GAD1: variants seen among roughly 807,000 people sequenced by gnomAD.
GAD1 encodes the protein 67 kDa glutamic acid decarboxylase.
A neutral mutation model predicts 75.2 loss-of-function variants in GAD1; 35 were observed. The observed-to-expected ratio is 0.47, with a 90% CI of 0.36 to 0.62. The LOEUF is 0.62. GAD1 is among the 20% of genes least tolerant of loss of function. GAD1 has a pLI of 0.00. For missense variants in GAD1, 490 were observed against 758.5 expected (o/e 0.65, Z 4.16); for synonymous variants, 257 against 271.9 (o/e 0.95, Z 0.54).
Position 170,818,248 on chromosome 2 carries a change from C to T in GAD1, c.-63-281C>T, listed in dbSNP as rs1468913789. 2.9e-6 allele frequency: 1 copy of T among 350,472 alleles called. No homozygotes were observed. The highest frequency in any genetic ancestry group is 5.4e-6 in the Non-Finnish European group (1 of 186,228). 21.7% of individuals were successfully genotyped at this position (350,472 alleles called of 1,614,324 possible). A position where few individuals can be genotyped will look rare whatever the true frequency, so the allele number is the denominator to read the frequency against. ...ACCCCCACCCCGACCCCGACCCCGC[C>T]TCGTCTCGGCGCTTCACTCCAGGTC... On this transcript the variant is annotated intron_variant, in intron 1 of 16. Transcript: ENST00000358196. The surrounding 1 kb of genome is among the most constrained non-coding windows in gnomAD (Gnocchi z 5.9).
intron 3 of GAD1, 43 bp from the exon 4 acceptor site, chr2:170,829,432 G>A (rs1702162734): frequency 6.2e-7 from 1 of 1,609,852 alleles, no homozygotes. Context: ...TCAGGGGCTG[G>A]GCAGTTTGCA....
At chr2:170,855,991 T>C (rs1702843798) in intron 14 of GAD1, among the ~76,000 whole-genome samples, 1 of 152,110 alleles carries the variant, frequency 6.6e-6, no homozygotes, top group Non-Finnish European at 1.5e-5. Context: ...TTTTTGTTTC[T>C]AACAATAACC....
intron 6 of GAD1, chr2:170,842,841 C>A: frequency 1.1e-6 from 1 of 927,864 alleles, no homozygotes; most frequent in Non-Finnish European, 1.6e-6. Context: ...ACAATTAAAA[C>A]TTAGTAGCTT....
Position 170,859,149 on chromosome 2 carries a change from A to G in GAD1, c.1611+256A>G, listed in dbSNP as rs548162650. ...GTCCTTGGTTGATGTTCTTCATTAA[A>G]GGAGCCCTATGCAGGGTAAGGGAAT... On this transcript the variant is annotated intron_variant, in intron 16 of 16. Coordinates refer to ENST00000358196, the MANE Select transcript of GAD1 (RefSeq NM_000817.3). 1.7e-4 allele frequency among the ~76,000 whole-genome samples: 26 copies of G among 152,340 alleles called. No individual in the cohort carries two copies. In the South Asian group the frequency reaches 5.2e-3, roughly 30 times the overall value.
At position 170,859,694 on chromosome 2, in the gene GAD1, GT is replaced by G; in HGVS notation, c.1612-11del. On this transcript the variant is annotated splice_polypyrimidine_tract_variant and intron_variant, in intron 16 of 16. Transcript: ENST00000358196. ...ATATCAATCTTGAGTTTTGTTTTGT[GT>G]TTTCCATCACAAGGTGGCTCCAAAA... The G allele has an allele frequency of 6.2e-7, 1 of 1,613,868 alleles. No homozygotes were observed. Among genetic ancestry groups the G allele is most frequent in the South Asian group, 1.1e-5 (1 of 91,018 alleles).
At chr2:170,841,398 A>G (rs1398504112) in intron 6 of GAD1, among the ~76,000 whole-genome samples, 1 of 152,154 alleles carries the variant, frequency 6.6e-6, no homozygotes, top group East Asian at 1.9e-4. Flanking sequence ...GGGATCTGTA[A>G]TCCCAATTAG....
intron 2 of GAD1, among the ~76,000 whole-genome samples, chr2:170,819,748 G>T (rs1394465583): frequency 6.6e-6 from 1 of 151,856 alleles, no homozygotes; most frequent in Non-Finnish European, 1.5e-5. Flanking sequence ...TTTGTATACA[G>T]AAAGGGCTTA....
chr2:170,857,094 GAGA>G lies in GAD1; in HGVS notation c.1495_1497del (p.Glu499del). On this transcript the variant is annotated inframe_deletion, in exon 15 of 17. Coordinates refer to ENST00000358196, the MANE Select transcript of GAD1 (RefSeq NM_000817.3). ...TACCTCTATGCCAAGATTAAAAACA[GAGA>G]AGAATTTGAGATGGTTTTCAATGGC... 6.2e-7 allele frequency: 1 copy of G among 1,613,906 alleles called. No homozygotes were observed. The highest frequency in any genetic ancestry group is 8.5e-7 in the Non-Finnish European group (1 of 1,179,904).
upstream of GAD1, among the ~76,000 whole-genome samples, chr2:170,814,610 G>C (rs1279517163): frequency 2.0e-5 from 3 of 152,188 alleles, no homozygotes; most frequent in South Asian, 4.1e-4. Context: ...AAAAATAAGT[G>C]CTTGGCACAT....
rs565257552 is a variant in GAD1, at chr2:170,860,758, G to A, written c.*876G>A. 5.9e-5 allele frequency: 9 copies of A among 152,530 alleles called. No homozygotes were observed. The highest frequency in any genetic ancestry group is 1.2e-4 in the Non-Finnish European group (8 of 68,008). 9.4% of individuals were successfully genotyped at this position (152,530 alleles called of 1,614,324 possible). ...GTGAGATTTGTATTTATATTAGAGT[G>A]CCCTTAAAATAATGATTTAAGCATT... On this transcript the variant is annotated 3_prime_UTR_variant, in exon 17 of 17. Coordinates refer to ENST00000358196, the MANE Select transcript of GAD1 (RefSeq NM_000817.3).
At chr2:170,851,945 CT>C (rs1293240721) in intron 12 of GAD1, among the ~76,000 whole-genome samples, 6 of 152,144 alleles carry the variant, frequency 3.9e-5, no homozygotes, top group Admixed American at 1.3e-4. Context: ...TCGAGCCTTG[CT>C]TTTAGGTGCC....
In GAD1 at chr2:170,859,983, G is replaced by A; in HGVS notation, c.*101G>A. On this transcript the variant is annotated 3_prime_UTR_variant, in exon 17 of 17. Transcript: ENST00000358196. ...TGAAACACACAGGCCATTTCATTGA[G>A]GGAAAACATAATATCTTGAAGAATA... 1.9e-6 allele frequency: 2 copies of A among 1,039,160 alleles called. No homozygotes were observed. The highest frequency in any genetic ancestry group is 1.5e-6 in the Non-Finnish European group (1 of 678,682). 64.4% of individuals were successfully genotyped at this position (1,039,160 alleles called of 1,614,324 possible). A position where few individuals can be genotyped will look rare whatever the true frequency, so the allele number is the denominator to read the frequency against.
intron 3 of GAD1, among the ~76,000 whole-genome samples, chr2:170,823,508 A>G (rs1701945742): frequency 6.6e-6 from 1 of 152,204 alleles, no homozygotes; most frequent in Admixed American, 6.5e-5. Context: ...CCGAAAGCCC[A>G]GCCCTGCCGC....
In GAD1 at chr2:170,829,527, C is replaced by G. The variant is rs1575430287; in HGVS notation, c.198C>G (p.Ala66=). The stretch of plus-strand genomic sequence containing the variant: ...AAGAGAAGAGTCGCCTTGTGAGTGC[C>G]TTCAAGGAGAGGCAATCCTCCAAGA... ...SLEEKSRLVS[A]FKERQSSKNL... Residue 66 remains alanine (A), a synonymous_variant, in exon 4 of 17, where the codon GCC becomes GCG. Transcript: ENST00000358196. The G allele has an allele frequency of 6.2e-7, 1 of 1,613,404 alleles. No individual in the cohort carries two copies. Among genetic ancestry groups the G allele is most frequent in the East Asian group, 2.2e-5 (1 of 44,816 alleles).
Position 170,853,214 on chromosome 2 carries a change from C to T in GAD1, c.1263+422C>T, listed in dbSNP as rs777283515. The stretch of plus-strand genomic sequence containing the variant: ...TGAAATAAATGAGACAGAACAACAA[C>T]TACAAATATCAACTTAGGGCCACAA... On this transcript the variant is annotated intron_variant, in intron 13 of 16. Coordinates refer to ENST00000358196, the MANE Select transcript of GAD1 (RefSeq NM_000817.3). This position sits in a 1 kb window ranked among gnomAD's most constrained non-coding sequence, Gnocchi z 4.1. The T allele has an allele frequency of 2.9e-5, 7 of 238,616 alleles. No individual in the cohort carries two copies. The highest frequency in any genetic ancestry group is 5.0e-5 in the Non-Finnish European group (6 of 120,558). The allele number at this position is 238,616 out of a possible 1,614,324, so 14.8% of individuals were successfully genotyped here.
chr2:170,832,693 CACAT>C (rs1559275962), intron 5 of GAD1, among the ~76,000 whole-genome samples: 27 of 151,430 alleles, frequency 1.8e-4, no homozygotes, highest in African/African-American at 2.9e-4. Flanking sequence ...CACACACACA[CACAT>C]ACACACATGC....
rs1239003925 is a variant in GAD1 at position 170,836,878 on chromosome 2, C to A, written c.633C>A (p.Thr211=). 1 of 1,610,448 alleles carries A rather than the reference C, an allele frequency of 6.2e-7. No individual in the cohort carries two copies. Among genetic ancestry groups the A allele is most frequent in the Non-Finnish European group, 8.5e-7 (1 of 1,176,722 alleles). The change falls in exon 6 of 17, where the codon ACC becomes ACA. Residue 211 remains threonine (T), a synonymous_variant. Transcript: ENST00000358196. ...AGEWLTSTAN[T]NMFTYEIAPV... is the part of the protein sequence containing the mutation. ...AATGGCTGACATCAACGGCCAATAC[C>A]AACATGTAAGTCTCATATGTTTTCA...
intron 3 of GAD1, among the ~76,000 whole-genome samples, chr2:170,825,091 A>G (rs1701992487): frequency 6.6e-6 from 1 of 152,194 alleles, no homozygotes; most frequent in Non-Finnish European, 1.5e-5. Flanking sequence ...TGTTAGCCCA[A>G]GAAAATCAGA....
At chr2:170,831,257 G>A in intron 5 of GAD1, 65 bp downstream of exon 5, 1 of 1,559,714 alleles carries the variant, frequency 6.4e-7, no homozygotes, top group Non-Finnish European at 8.8e-7. Context: ...CTTGCCAGTT[G>A]TGAGGATATC....
Sources: gnomAD v4.1 joint callset for allele counts (sites outside exome capture counted in the v4.1 genomes callset) on GRCh38, gnomAD v4.1.1 for gene constraint, Gnocchi (gnomAD v3.1) non-coding constraint, MANE v1.5 for transcripts, NCBI Gene and HGNC (gene_info 2026-07-23, HGNC 2026-07-21) for gene names.